The following ACSM1 variants were observed in gnomAD, a reference collection of about 807,000 sequenced individuals.
The protein encoded by ACSM1 is acyl-CoA synthetase medium chain family member 1.
ACSM1 carries 79 observed loss-of-function variants against 75.8 expected under a neutral mutation model. That is an observed-to-expected ratio of 1.04 (90% confidence interval 0.87 to 1.26). The LOEUF (loss-of-function observed/expected upper bound fraction) is 1.26, where lower values mean the gene tolerates loss of function less well. Ranked by LOEUF, ACSM1 falls within the 50% of genes most tolerant of loss-of-function variation. The probability of loss-of-function intolerance (pLI) is 0.00; values close to 1 mark genes in which losing one functional copy is unlikely to be tolerated. For missense variants in ACSM1, 676 were observed against 720.1 expected (o/e 0.94, Z 0.70); for synonymous variants, 279 against 265.8 (o/e 1.05, Z -0.48).
Position 20,640,523 on chromosome 16 carries a change from G to C in ACSM1, c.1054C>G (p.Gln352Glu), listed in dbSNP as rs565501213. The C allele has an allele frequency of 3.7e-6, 6 of 1,614,150 alleles. No homozygotes were observed. Among genetic ancestry groups the C allele is most frequent in the South Asian group, 1.1e-5 (1 of 91,080 alleles). ...CCCGTCCGTCTTTTCCACTCCTCCT[G>C]ATCCTTGGGCAACACGACCTCCCCG... ...TGGEVVLPKD[Q>E]EEWKRRTGLL... The change falls in exon 8 of 14, where the codon CAG becomes GAG. Residue 352 changes from glutamine to glutamate, a missense_variant. Transcript: ENST00000520010.
At position 20,691,082 on chromosome 16, in the gene ACSM1, C is replaced by A; in HGVS notation, c.107G>T (p.Gly36Val). 1 of 1,613,756 alleles carries A rather than the reference C, an allele frequency of 6.2e-7. No individual in the cohort carries two copies. ...QLRCRSLSEF[G>V]APRWNDYEVP... ...TTCATAGTCATTCCATCTTGGGGCT[C>A]CAAATTCTGATAAAGACCGGCAGCG... The change falls in exon 2 of 14, where the codon GGA becomes GTA. Residue 36 changes from glycine (G) to valine (V), a missense_variant. Coordinates refer to ENST00000520010, the MANE Select transcript of ACSM1 (RefSeq NM_001318890.3).
intron 2 of ACSM1, among the ~76,000 whole-genome samples, chr16:20,687,841 T>C (rs1369364754): frequency 6.6e-6 from 1 of 152,146 alleles, no homozygotes; most frequent in Non-Finnish European, 1.5e-5. Context: ...CCCAGCACTT[T>C]GGGAGGCCGA....
At chr16:20,665,505 C>T (rs2152264757) in intron 6 of ACSM1, among the ~76,000 whole-genome samples, 1 of 152,120 alleles carries the variant, frequency 6.6e-6, no homozygotes, top group Admixed American at 6.6e-5. Context: ...TCAGTAATTA[C>T]TAATCCCAAA....
At chr16:20,695,892 A>G (rs1278401111) in intron 1 of ACSM1, among the ~76,000 whole-genome samples, 17 of 152,226 alleles carry the variant, frequency 1.1e-4, no homozygotes, top group Non-Finnish European at 5.9e-5. Flanking sequence ...CATTAATATT[A>G]ATGTCTATAA....
chr16:20,677,170 GGAAA>G (rs753457202), intron 4 of ACSM1, among the ~76,000 whole-genome samples: 6 of 150,380 alleles, frequency 4.0e-5, no homozygotes, highest in Admixed American at 4.0e-4. Flanking sequence ...ACAAAGAGAA[GGAAA>G]GAAAGAGCCC....
At chr16:20,691,751 ATGTGTGTGTG>A (rs59929923) in intron 1 of ACSM1, among the ~76,000 whole-genome samples, 5,914 of 133,984 alleles carry the variant, frequency 0.044, 186 homozygotes, top group African/African-American at 0.092. Flanking sequence ...TACCTCTCCA[ATGTGTGTGTG>A]TGTGTGTGTG....
rs1229443008 is a variant in ACSM1, at chr16:20,623,547, T to A, written c.1673A>T (p.Lys558Ile). 2 of 1,614,136 alleles carry A rather than the reference T, an allele frequency of 1.2e-6. No homozygotes were observed. The highest frequency in any genetic ancestry group is 2.2e-5 in the East Asian group (1 of 44,876). The change falls in exon 14 of 14, where the codon AAA (lysine) becomes ATA (isoleucine). Residue 558 changes from lysine to isoleucine, a missense_variant. By Grantham distance (102) the Lys-to-Ile change is moderately radical. Coordinates refer to ENST00000520010, the MANE Select transcript of ACSM1 (RefSeq NM_001318890.3). ...CCGTTCAATCTTGCCAGTGATGGTT[T>A]TTGGCAGCTCTGAGACAAACTCCAC... ...RKVEFVSELP[K>I]TITGKIERKE...
intron 7 of ACSM1, among the ~76,000 whole-genome samples, chr16:20,659,527 C>A (rs533843369): frequency 6.6e-6 from 1 of 152,228 alleles, no homozygotes; most frequent in African/African-American, 2.4e-5. Context: ...TGTGACTTAA[C>A]TTTCCAATCT....
chr16:20,680,929 A>T (rs2079432039), intron 4 of ACSM1: 1 of 152,258 alleles, frequency 6.6e-6, no homozygotes, highest in South Asian at 2.1e-4. Context: ...ATTCCTCTAA[A>T]GCAAGGGGAA....
intron 10 of ACSM1, among the ~76,000 whole-genome samples, chr16:20,629,881 A>G (rs998177177): frequency 6.6e-6 from 1 of 151,514 alleles, no homozygotes; most frequent in African/African-American, 2.4e-5. Context: ...AATCCCAGCT[A>G]CTGGGGAGGC....
chr16:20,686,389 C>T (rs1215799200), intron 2 of ACSM1, among the ~76,000 whole-genome samples: 5 of 152,016 alleles, frequency 3.3e-5, no homozygotes, highest in African/African-American at 4.8e-5. Context: ...GAAAACCAAA[C>T]AAATGCCCCC....
At chr16:20,675,907 C>T (rs1202603050) in intron 4 of ACSM1, among the ~76,000 whole-genome samples, 1 of 152,134 alleles carries the variant, frequency 6.6e-6, no homozygotes, top group African/African-American at 2.4e-5. Flanking sequence ...CTTGTAGCAC[C>T]AAAAGTGAAA....
chr16:20,639,888 C>T (rs2017947739), intron 8 of ACSM1, among the ~76,000 whole-genome samples: 1 of 152,188 alleles, frequency 6.6e-6, no homozygotes, highest in Admixed American at 6.5e-5. Flanking sequence ...TCAGTCAAAC[C>T]TGCCTCTCAT....
At chr16:20,641,592 T>C (rs986818132) in intron 7 of ACSM1, among the ~76,000 whole-genome samples, 3 of 152,246 alleles carry the variant, frequency 2.0e-5, no homozygotes, top group East Asian at 1.9e-4. Context: ...ACCACCTGTT[T>C]CTTTGTTGGA....
At chr16:20,670,726 A>G (rs764876234) in intron 5 of ACSM1, among the ~76,000 whole-genome samples, 1 of 152,114 alleles carries the variant, frequency 6.6e-6, no homozygotes, top group Non-Finnish European at 1.5e-5. Flanking sequence ...TACTTTTTAT[A>G]TCTTTGTGTC....
At chr16:20,691,363 C>A (rs2079650120) in intron 1 of ACSM1, 124 bp from the exon 2 acceptor site, 4 of 531,788 alleles carry the variant, frequency 7.5e-6, no homozygotes, top group Non-Finnish European at 9.7e-6. Context: ...TTGGAAGGCA[C>A]CCCTGATTGA....
chr16:20,625,063 C>T (rs946374903), intron 12 of ACSM1, among the ~76,000 whole-genome samples: 12 of 152,104 alleles, frequency 7.9e-5, no homozygotes, highest in African/African-American at 2.2e-4. Flanking sequence ...TGTTCGGGAG[C>T]CACATTGCTG....
chr16:20,653,069 T>C (rs189833095), intron 7 of ACSM1, among the ~76,000 whole-genome samples: 64 of 152,316 alleles, frequency 4.2e-4, no homozygotes, highest in Non-Finnish European at 8.7e-4. Context: ...TCAGGTGGGC[T>C]TCATCCCTGG....
At chr16:20,631,917 G>A (rs2017370238) in intron 10 of ACSM1, among the ~76,000 whole-genome samples, 1 of 152,168 alleles carries the variant, frequency 6.6e-6, no homozygotes, top group African/African-American at 2.4e-5. Flanking sequence ...GGTGATGGAT[G>A]CACTAAAATT....
Sources: gnomAD v4.1 joint callset for allele counts (sites outside exome capture counted in the v4.1 genomes callset) on GRCh38, gnomAD v4.1.1 for gene constraint, MANE v1.5 for transcripts, NCBI Gene and HGNC (gene_info 2026-07-23, HGNC 2026-07-21) for gene names.